Variants in LUZP1 observed in about 807,000 individuals in gnomAD.
LUZP1 encodes leucine zipper protein 1, also known as filamin mechanobinding actin cross-linking protein.
A neutral mutation model predicts 71.3 loss-of-function variants in LUZP1; 25 were observed. The observed-to-expected ratio is 0.35, with a 90% confidence interval of 0.26 to 0.49. The LOEUF (loss-of-function observed/expected upper bound fraction) is 0.49. LUZP1 is among the 20% of genes least tolerant of loss of function. The pLI is 0.99. For synonymous variants in LUZP1, 481 were observed against 506.4 expected, an observed-to-expected ratio of 0.95 and a Z score of 0.67; for missense variants, 1,142 against 1,300.8, an observed-to-expected ratio of 0.88 and a Z score of 1.88.
intron 2 of LUZP1, among the ~76,000 whole-genome samples, chr1:23,138,284 G>A (rs958970851): frequency 1.3e-5 from 2 of 152,026 alleles, no homozygotes; most frequent in African/African-American, 4.8e-5. Flanking sequence ...ACAAAATGTA[G>A]TATTATTATA....
At chr1:23,104,133 A>G (rs1643960050) in intron 3 of LUZP1, among the ~76,000 whole-genome samples, 2 of 151,428 alleles carry the variant, frequency 1.3e-5, no homozygotes, top group African/African-American at 2.4e-5. Flanking sequence ...TTTCCTTCCA[A>G]GCCCCCACAA....
exon 5 of LUZP1, chr1:23,088,631 C>A: frequency 2.6e-6 from 1 of 378,912 alleles, no homozygotes; most frequent in Non-Finnish European, 4.8e-6. Context: ...CAGAATGGTC[C>A]AACTACTTGG....
At chr1:23,173,350 CTTTTTTTTTTTT>C (rs869169060) in intron 1 of LUZP1, among the ~76,000 whole-genome samples, 3 of 80,358 alleles carry the variant, frequency 3.7e-5, no homozygotes, top group African/African-American at 1.5e-4. Flanking sequence ...TTTGTTTTTT[CTTTTTTTTTTTT>C]TTTTTTTTTT....
At chr1:23,158,372 T>C (rs938066217) in intron 2 of LUZP1, among the ~76,000 whole-genome samples, 8 of 152,188 alleles carry the variant, frequency 5.3e-5, no homozygotes, top group Admixed American at 5.2e-4. Context: ...TGGGTTAGGC[T>C]AGGCGCAGTG....
intron 2 of LUZP1, among the ~76,000 whole-genome samples, chr1:23,138,034 G>A (rs990479895): frequency 1.3e-5 from 2 of 152,132 alleles, no homozygotes; most frequent in South Asian, 2.1e-4. Context: ...GCAATGGCAC[G>A]ATCTCAGCTC....
chr1:23,170,541 A>C (rs949016772), intron 1 of LUZP1, among the ~76,000 whole-genome samples: 4 of 139,164 alleles, frequency 2.9e-5, no homozygotes, highest in Non-Finnish European at 6.0e-5. Context: ...ATCTCAGTTC[A>C]CTGCAACCTC....
chr1:23,104,404 G>A (rs191987742), intron 3 of LUZP1, among the ~76,000 whole-genome samples: 1 of 152,016 alleles, frequency 6.6e-6, no homozygotes, highest in African/African-American at 2.4e-5. Flanking sequence ...CACTGGTCTT[G>A]AACTCCTGAC....
At chr1:23,132,338 A>C (rs1363232227) in intron 2 of LUZP1, among the ~76,000 whole-genome samples, 1 of 152,120 alleles carries the variant, frequency 6.6e-6, no homozygotes, top group African/African-American at 2.4e-5. Flanking sequence ...TGCCATCCCC[A>C]GTCAATCTCA....
intron 2 of LUZP1, among the ~76,000 whole-genome samples, chr1:23,136,826 G>A (rs987382103): frequency 1.3e-5 from 2 of 152,240 alleles, no homozygotes; most frequent in Non-Finnish European, 2.9e-5. Context: ...GCTGAGACGG[G>A]AGAATGGCAT....
chr1:23,163,545 T>G (rs1216040386), intron 2 of LUZP1, among the ~76,000 whole-genome samples: 1 of 123,622 alleles, frequency 8.1e-6, no homozygotes, highest in Non-Finnish European at 1.6e-5. Context: ...AAGAGTGAGA[T>G]CCCGTCTCTT....
chr1:23,116,890 T>A (rs1324400550), intron 2 of LUZP1, among the ~76,000 whole-genome samples: 1 of 152,170 alleles, frequency 6.6e-6, no homozygotes, highest in African/African-American at 2.4e-5. Flanking sequence ...AGTTTTTTGT[T>A]TTACATGCAT....
intron 2 of LUZP1, among the ~76,000 whole-genome samples, chr1:23,134,596 T>C (rs557601546): frequency 8.5e-5 from 13 of 152,128 alleles, no homozygotes; most frequent in Non-Finnish European, 1.8e-4. Context: ...CTGGGCAACA[T>C]GGTGAGACCC....
At chr1:23,133,165 GA>G (rs1644227848) in intron 2 of LUZP1, among the ~76,000 whole-genome samples, 1 of 152,190 alleles carries the variant, frequency 6.6e-6, no homozygotes, top group Non-Finnish European at 1.5e-5. Context: ...CTCCCAAGGA[GA>G]TAAGTCTATG....
chr1:23,122,008 T>C (rs959332362), intron 2 of LUZP1, among the ~76,000 whole-genome samples: 8 of 152,244 alleles, frequency 5.3e-5, no homozygotes, highest in African/African-American at 1.7e-4. Context: ...CAAGAGTCTG[T>C]CTTAAAAATA....
At chr1:23,139,248 A>G (rs1466087782) in intron 2 of LUZP1, among the ~76,000 whole-genome samples, 2 of 151,732 alleles carry the variant, frequency 1.3e-5, no homozygotes, top group African/African-American at 2.4e-5. Context: ...GTATCTATTG[A>G]GCAAGGCATG....
chr1:23,156,687 G>T (rs1042302305), intron 2 of LUZP1, among the ~76,000 whole-genome samples: 4 of 152,002 alleles, frequency 2.6e-5, no homozygotes, highest in Non-Finnish European at 5.9e-5. Context: ...ATTCAATGGC[G>T]CCATCTTGGG....
At chr1:23,102,329 T>C (rs1421258172) in intron 3 of LUZP1, among the ~76,000 whole-genome samples, 2 of 152,190 alleles carry the variant, frequency 1.3e-5, no homozygotes, top group African/African-American at 4.8e-5. Flanking sequence ...TCCAGCATTT[T>C]GGAGGGTGGC....
chr1:23,089,203 T>C (rs1237900017), intron 4 of LUZP1, 150 bp from the exon 4 acceptor site: 1 of 697,642 alleles, frequency 1.4e-6, no homozygotes, highest in African/African-American at 1.8e-5. Flanking sequence ...GATATGCTTT[T>C]GCCTGAGTAT....
At chr1:23,138,697 G>GTGTATA (rs1401882473) in intron 2 of LUZP1, among the ~76,000 whole-genome samples, 8 of 136,006 alleles carry the variant, frequency 5.9e-5, no homozygotes, top group East Asian at 4.2e-4. Context: ...GTGTGTGTGT[G>GTGTATA]TATATATATA....
Sources: gnomAD v4.1 joint callset for allele counts (sites outside exome capture counted in the v4.1 genomes callset) on GRCh38, gnomAD v4.1.1 for gene constraint, MANE v1.5 for transcripts, NCBI Gene and HGNC (gene_info 2026-07-23, HGNC 2026-07-21) for gene names.